Variants in MAGT1 observed in about 807,000 individuals in gnomAD.
MAGT1 encodes the protein magnesium transporter 1.
A neutral mutation model predicts 28.4 loss-of-function variants in MAGT1; 4 were observed. The observed-to-expected ratio is 0.14, with a 90% CI of 0.07 to 0.32. MAGT1 has a LOEUF of 0.32. Ranked by LOEUF, MAGT1 falls within the 10% of genes least tolerant of loss-of-function variation. The pLI, the probability that MAGT1 is intolerant of heterozygous loss-of-function variation, is 1.00. For missense variants in MAGT1, 193 were observed against 264.5 expected, an observed-to-expected ratio of 0.73 and a Z score of 1.88; for synonymous variants, 89 against 89.7, an observed-to-expected ratio of 0.99 and a Z score of 0.04.
intron 7 of MAGT1, among the ~76,000 whole-genome samples, chrX:77,848,982 C>G (rs2076959575): frequency 9.1e-6 from 1 of 109,768 alleles, no homozygotes; most frequent in African/African-American, 3.3e-5. Flanking sequence ...CCACTGTACT[C>G]AAGCCTGGGC....
At chrX:77,830,412 G>C (rs187871218) in intron 9 of MAGT1, among the ~76,000 whole-genome samples, 1 of 111,008 alleles carries the variant, frequency 9.0e-6, no homozygotes, top group African/African-American at 3.3e-5. Flanking sequence ...TTGAGGTCAG[G>C]AGTCCAAGAC....
At position 77,827,843 on chromosome X, in the gene MAGT1, T is replaced by C. The variant is rs2076887515; in HGVS notation, c.*1377A>G. The C allele has an allele frequency of 9.0e-6, 1 of 111,730 alleles. No individual in the cohort carries two copies. Among genetic ancestry groups the C allele is most frequent in the Non-Finnish European group, 1.9e-5 (1 of 53,163 alleles). 9.2% of individuals were successfully genotyped at this position (111,730 alleles called of 1,213,427 possible). Reference sequence around the variant, plus strand: ...ATTTTAGGCCATGTATAAGTTACACTGATTTTAGCACTAAGCTATATTTTT... The same window carrying C: ...ATTTTAGGCCATGTATAAGTTACACCGATTTTAGCACTAAGCTATATTTTT... On this transcript the variant is annotated 3_prime_UTR_variant, in exon 10 of 10. Coordinates refer to ENST00000618282, the MANE Select transcript of MAGT1 (RefSeq NM_001367916.1).
chrX:77,847,925 T>G (rs2076956873), intron 7 of MAGT1, among the ~76,000 whole-genome samples: 1 of 111,496 alleles, frequency 9.0e-6, no homozygotes, highest in Admixed American at 9.6e-5. Flanking sequence ...GATTGATCAT[T>G]TCTACAGGCT....
At chrX:77,849,665 G>C (rs1308704802) in intron 7 of MAGT1, among the ~76,000 whole-genome samples, 1 of 110,071 alleles carries the variant, frequency 9.1e-6, no homozygotes, top group Non-Finnish European at 1.9e-5. Context: ...GAGCTCAGGA[G>C]TTCGAAACCA....
intron 2 of MAGT1, among the ~76,000 whole-genome samples, chrX:77,874,322 G>C (rs1235938596): frequency 1.9e-5 from 2 of 106,138 alleles, no homozygotes; most frequent in Non-Finnish European, 3.9e-5. Flanking sequence ...TACCAGCTGG[G>C]TGTGGTGGCT....
At chrX:77,847,390 C>T (rs181497605) in intron 7 of MAGT1, among the ~76,000 whole-genome samples, 5 of 112,090 alleles carry the variant, frequency 4.5e-5, no homozygotes, top group Non-Finnish European at 9.4e-5. Flanking sequence ...CCGGGTGGGG[C>T]GATGCCTCGC....
At chrX:77,874,775 A>G (rs1447945862) in intron 2 of MAGT1, among the ~76,000 whole-genome samples, 1 of 110,434 alleles carries the variant, frequency 9.1e-6, no homozygotes, top group East Asian at 2.8e-4. Flanking sequence ...TGACAATACA[A>G]GAGTATGAAG....
chrX:77,858,177 A>C (rs2076986020), intron 3 of MAGT1, among the ~76,000 whole-genome samples: 1 of 111,139 alleles, frequency 9.0e-6, no homozygotes, highest in African/African-American at 3.3e-5. Context: ...GCTTGCACAA[A>C]TCAATTTTTA....
intron 3 of MAGT1, among the ~76,000 whole-genome samples, chrX:77,858,106 T>C (rs1569548042): frequency 8.9e-6 from 1 of 112,218 alleles, no homozygotes; most frequent in Non-Finnish European, 1.9e-5. Flanking sequence ...TATCTTTTTT[T>C]ATTTTTTTGA....
chrX:77,891,987 G>C (rs2077083994), intron 1 of MAGT1, among the ~76,000 whole-genome samples: 1 of 107,581 alleles, frequency 9.3e-6, no homozygotes, highest in Admixed American at 1.0e-4. Context: ...TCGCTCTCTT[G>C]TTCAAGCGAT....
intron 3 of MAGT1, among the ~76,000 whole-genome samples, chrX:77,867,715 CAT>C (rs2149022529): frequency 1.5e-5 from 1 of 66,894 alleles, no homozygotes; most frequent in South Asian, 6.7e-4. Context: ...TCAGGAGTGT[CAT>C]ATTTTCTGCC....
chrX:77,844,505 C>T (rs1436038377), intron 7 of MAGT1, among the ~76,000 whole-genome samples: 1 of 110,930 alleles, frequency 9.0e-6, no homozygotes, highest in African/African-American at 3.3e-5. Flanking sequence ...AATGTGTTTG[C>T]TCTTGCTTCT....
At position 77,829,202 on chromosome X, in the gene MAGT1, TA is replaced by T. The variant is rs781912936; in HGVS notation, c.*17del. ...TCAATTTCCAGTACTCCAGTGTCTA[TA>T]TATCTCTGGGACCTTTTTAACTCAT... On this transcript the variant is annotated 3_prime_UTR_variant, in exon 10 of 10. Coordinates refer to ENST00000618282, the MANE Select transcript of MAGT1 (RefSeq NM_001367916.1). The T allele has an allele frequency of 3.0e-5, 36 of 1,192,299 alleles. No homozygotes were observed. Among genetic ancestry groups the T allele is most frequent in the East Asian group, 3.0e-4 (10 of 33,598 alleles).
chrX:77,846,611 G>A (rs1181240807), intron 7 of MAGT1, among the ~76,000 whole-genome samples: 2 of 111,895 alleles, frequency 1.8e-5, no homozygotes, highest in African/African-American at 6.5e-5. Flanking sequence ...ATGAGGTTTT[G>A]GTATGGATGT....
At chrX:77,871,899 C>CT (rs2077021414) in intron 2 of MAGT1, among the ~76,000 whole-genome samples, 1 of 111,163 alleles carries the variant, frequency 9.0e-6, no homozygotes, top group Non-Finnish European at 1.9e-5. Context: ...CTCCCATATG[C>CT]TTTCAGTTCT....
Position 77,892,764 on chromosome X carries a change from T to G in MAGT1, c.102+2545A>C, listed in dbSNP as rs1331511313. 3.6e-5 allele frequency among the ~76,000 whole-genome samples: 4 copies of G among 110,474 alleles called. No homozygotes were observed. In the Admixed American group the frequency reaches 3.9e-4, roughly 11 times the overall value. The stretch of plus-strand genomic sequence containing the variant: ...CTGAGCTATGATCATGCCACTACAC[T>G]CCAGCCTTGGCAACAGAGTGAGACC... On this transcript the variant is annotated intron_variant, in intron 1 of 9. Transcript: ENST00000618282.
chrX:77,872,339 G>A (rs1557217389), intron 2 of MAGT1, among the ~76,000 whole-genome samples: 3 of 111,339 alleles, frequency 2.7e-5, no homozygotes, highest in South Asian at 3.7e-4. Flanking sequence ...CACCGTGCCC[G>A]GCCCTCCTCC....
intron 2 of MAGT1, among the ~76,000 whole-genome samples, chrX:77,872,803 C>G (rs1351492029): frequency 1.8e-5 from 2 of 112,115 alleles, no homozygotes; most frequent in Admixed American, 1.9e-4. Context: ...TCTAAATTTT[C>G]ATATGTGTAA....
chrX:77,850,041 C>T (rs1557215377), intron 7 of MAGT1, among the ~76,000 whole-genome samples: 1 of 111,551 alleles, frequency 9.0e-6, no homozygotes, highest in African/African-American at 3.3e-5. Context: ...ATGCAATAAA[C>T]TGTACATTAA....
Sources: gnomAD v4.1 joint callset for allele counts (sites outside exome capture counted in the v4.1 genomes callset) on GRCh38, gnomAD v4.1.1 for gene constraint, MANE v1.5 for transcripts, NCBI Gene and HGNC (gene_info 2026-07-23, HGNC 2026-07-21) for gene names.